PLPP1: variants seen among roughly 807,000 people sequenced by gnomAD.
The protein encoded by PLPP1 is phospholipid phosphatase 1, also known as lipid phosphate phosphohydrolase 1a.
Under a neutral mutation model 31.2 loss-of-function variants are expected in PLPP1, and 24 were observed. The ratio of observed to expected loss-of-function variants is 0.77; its 90% confidence interval spans 0.56 to 1.08. PLPP1 has a LOEUF of 1.08. PLPP1 is among the 50% of genes least tolerant of loss of function. The probability of loss-of-function intolerance (pLI) is 0.00; values close to 1 mark genes in which losing one functional copy is unlikely to be tolerated. For synonymous variants in PLPP1, 146 were observed against 126.3 expected (o/e 1.16, Z -1.05); for missense variants, 319 against 342.7 (o/e 0.93, Z 0.55).
chr5:55,513,165 T>C (rs1734262562), intron 1 of PLPP1, among the ~76,000 whole-genome samples: 2 of 152,206 alleles, frequency 1.3e-5, no homozygotes, highest in South Asian at 4.1e-4. Context: ...GTCTCCCTTA[T>C]TAGTAACTGG....
chr5:55,494,009 C>T (rs1446728687), intron 1 of PLPP1, among the ~76,000 whole-genome samples: 1 of 152,062 alleles, frequency 6.6e-6, no homozygotes, highest in Non-Finnish European at 1.5e-5. Flanking sequence ...TATGCCACTG[C>T]ATTCCAACAT....
At chr5:55,491,100 CCATAGG>C (rs771813289) in intron 1 of PLPP1, 1 of 1,613,002 alleles carries the variant, frequency 6.2e-7, no homozygotes, top group South Asian at 1.1e-5. Flanking sequence ...TTTAGAACAG[CCATAGG>C]CATGGAAGCT....
intron 3 of PLPP1, among the ~76,000 whole-genome samples, chr5:55,445,858 G>C (rs1751753370): frequency 6.6e-6 from 1 of 152,044 alleles, no homozygotes. Flanking sequence ...ATTCATTCTT[G>C]AATGATGGTA....
chr5:55,458,479 CA>C (rs892492840), intron 3 of PLPP1, among the ~76,000 whole-genome samples: 1 of 149,866 alleles, frequency 6.7e-6, no homozygotes, highest in Admixed American at 6.6e-5. Flanking sequence ...GAGAAACAAC[CA>C]AAAAAACAGA....
chr5:55,530,315 T>A, intron 1 of PLPP1: 1 of 1,474,376 alleles, frequency 6.8e-7, no homozygotes, highest in Non-Finnish European at 9.5e-7. Context: ...AAGGAAGAGA[T>A]ACACAAATAG....
chr5:55,517,353 ATTTTG>A (rs746781890), intron 1 of PLPP1, among the ~76,000 whole-genome samples: 9 of 152,048 alleles, frequency 5.9e-5, no homozygotes, highest in African/African-American at 1.9e-4. Flanking sequence ...AGCCCAGTTA[ATTTTG>A]TTTTGTTTTG....
intron 1 of PLPP1, among the ~76,000 whole-genome samples, chr5:55,518,586 T>C (rs1168296925): frequency 1.3e-5 from 2 of 152,180 alleles, no homozygotes; most frequent in Non-Finnish European, 2.9e-5. Context: ...TTTTCCTATA[T>C]TACTACTTTC....
intron 1 of PLPP1, among the ~76,000 whole-genome samples, chr5:55,493,210 G>A (rs190841905): frequency 7.9e-5 from 12 of 152,024 alleles, no homozygotes; most frequent in Admixed American, 3.9e-4. Flanking sequence ...AGCTACTCAG[G>A]AGGGTGAGGC....
intron 3 of PLPP1, among the ~76,000 whole-genome samples, chr5:55,446,000 CT>C (rs1751757339): frequency 6.6e-6 from 1 of 152,106 alleles, no homozygotes; most frequent in African/African-American, 2.4e-5. Context: ...TCTGGGTAAT[CT>C]GTCTTTTCTC....
chr5:55,528,777 G>A (rs1164941703), intron 1 of PLPP1, among the ~76,000 whole-genome samples: 5 of 152,150 alleles, frequency 3.3e-5, no homozygotes, highest in African/African-American at 9.6e-5. Context: ...GCAAACTACT[G>A]AGATTCTCTT....
At chr5:55,458,091 C>T (rs917780709) in intron 3 of PLPP1, among the ~76,000 whole-genome samples, 5 of 152,078 alleles carry the variant, frequency 3.3e-5, no homozygotes, top group African/African-American at 9.7e-5. Context: ...AGAATCAACA[C>T]CCTGATACTG....
At chr5:55,482,507 T>C (rs2111829660) in intron 1 of PLPP1, among the ~76,000 whole-genome samples, 1 of 152,310 alleles carries the variant, frequency 6.6e-6, no homozygotes, top group South Asian at 2.1e-4. Context: ...AGACCATTCC[T>C]ACTCTAGTGA....
chr5:55,468,420 ATT>A (rs907481700), intron 2 of PLPP1: 3 of 274,422 alleles, frequency 1.1e-5, no homozygotes, highest in East Asian at 1.4e-4. Flanking sequence ...ACAAGATCTT[ATT>A]TTTTTTTTCT....
At chr5:55,516,412 C>T (rs183109536) in intron 1 of PLPP1, among the ~76,000 whole-genome samples, 6 of 152,246 alleles carry the variant, frequency 3.9e-5, no homozygotes, top group East Asian at 1.9e-4. Context: ...ATCATAGCAC[C>T]CATACTTCTC....
intron 4 of PLPP1, 122 bp downstream of exon 4, chr5:55,441,729 C>G (rs1751624805): frequency 9.6e-7 from 1 of 1,036,646 alleles, no homozygotes. Flanking sequence ...TACAGATTTG[C>G]AGATCATCTG....
In PLPP1 at chr5:55,484,461, C is replaced by T. The variant is rs1752735250; in HGVS notation, c.59-9011G>A. 3 of 152,108 alleles carry T rather than the reference C, an allele frequency of 2.0e-5. No homozygotes were observed. In the South Asian group the frequency reaches 6.2e-4, roughly 31 times the overall value. 9.4% of individuals were successfully genotyped at this position (152,108 alleles called of 1,614,324 possible). On this transcript the variant is annotated intron_variant, in intron 1 of 5. Transcript: ENST00000307259. ...ATATTAGATGGAAAGTTTCCAACTC[C>T]TAAGTAAACTTGGGTTGGCAGATTC...
At chr5:55,530,214 A>G in intron 1 of PLPP1, 1 of 1,381,864 alleles carries the variant, frequency 7.2e-7, no homozygotes, top group East Asian at 2.3e-5. Context: ...TTCTTCATCT[A>G]GCTGAAGATT....
intron 4 of PLPP1, among the ~76,000 whole-genome samples, chr5:55,429,746 GCTGCCGCAGGGCCAAAGTATACAAGCTA>G (rs1281466653): frequency 6.6e-6 from 1 of 152,118 alleles, no homozygotes. Flanking sequence ...ACAGCTGGGT[GCTGCCGCAGGGCCAAAGTATACAAGCTA>G]CTGGCAGTGA....
At chr5:55,513,563 C>T (rs569314133) in intron 1 of PLPP1, among the ~76,000 whole-genome samples, 9 of 152,152 alleles carry the variant, frequency 5.9e-5, no homozygotes, top group African/African-American at 1.9e-4. Flanking sequence ...TGAGCCACTG[C>T]GCCCGGCCTA....
Sources: allele counts gnomAD v4.1 joint callset (sites outside exome capture counted in the v4.1 genomes callset), GRCh38; gene constraint gnomAD v4.1.1; transcripts MANE v1.5; gene names NCBI Gene and HGNC (gene_info 2026-07-23, HGNC 2026-07-21).